PDE1C: variants seen among roughly 807,000 people sequenced by gnomAD.
The protein encoded by PDE1C is dual specificity calcium/calmodulin-dependent 3',5'-cyclic nucleotide phosphodiesterase 1C.
PDE1C carries 62 observed loss-of-function variants against 93.1 expected under a neutral mutation model. The ratio of observed to expected loss-of-function variants is 0.67; its 90% confidence interval spans 0.54 to 0.82. PDE1C has a LOEUF of 0.82. Ranked by LOEUF, PDE1C falls within the 40% of genes least tolerant of loss-of-function variation. The probability of loss-of-function intolerance (pLI) is 0.00; values close to 1 mark genes in which losing one functional copy is unlikely to be tolerated. For missense variants in PDE1C, 742 were observed against 884.6 expected (o/e 0.84, Z 2.04); for synonymous variants, 325 against 310.1 (o/e 1.05, Z -0.50).
At chr7:32,130,984 TC>T (rs1341968102) in intron 3 of PDE1C, among the ~76,000 whole-genome samples, 6 of 152,074 alleles carry the variant, frequency 3.9e-5, no homozygotes, top group Non-Finnish European at 8.8e-5. Context: ...TGTTTCATGT[TC>T]CCTTTAGGTC....
chr7:32,365,360 C>T (rs1268449825), intron 1 of PDE1C, among the ~76,000 whole-genome samples: 1 of 152,098 alleles, frequency 6.6e-6, no homozygotes, highest in African/African-American at 2.4e-5. Flanking sequence ...GCTGAGAAAC[C>T]ATGTGGCTGC....
intron 16 of PDE1C, among the ~76,000 whole-genome samples, chr7:31,779,722 G>C (rs1783260948): frequency 6.6e-6 from 1 of 152,130 alleles, no homozygotes; most frequent in African/African-American, 2.4e-5. Flanking sequence ...GTTAGGTTCT[G>C]AGTCAGCCTC....
At chr7:31,811,103 G>A (rs1787490393) in intron 15 of PDE1C, among the ~76,000 whole-genome samples, 1 of 152,068 alleles carries the variant, frequency 6.6e-6, no homozygotes. Context: ...GGAACCCAGT[G>A]GAAGAGAATT....
intron 1 of PDE1C, among the ~76,000 whole-genome samples, chr7:32,254,120 A>G (rs1221906461): frequency 6.6e-6 from 1 of 152,196 alleles, no homozygotes; most frequent in Admixed American, 6.5e-5. Flanking sequence ...GAGGATCTGG[A>G]CTGGGCTAGA....
chr7:31,686,402 G>A, the PDE1C span, among the ~76,000 whole-genome samples: 16 of 152,154 alleles, frequency 1.1e-4, no homozygotes, highest in Admixed American at 7.2e-4. Flanking sequence ...GAGTGCCTAC[G>A]TATTCCTAAT....
At position 31,885,915 on chromosome 7, in the gene PDE1C, C is replaced by T. The variant is rs572020692; in HGVS notation, c.129-5055G>A. On this transcript the variant is annotated intron_variant, in intron 2 of 17. Coordinates refer to ENST00000396191, the MANE Select transcript of PDE1C (RefSeq NM_001191057.4). ...ACCCTACTAGAATTTCATTCTTTTG[C>T]ACAAATAAAAATGAACTATAAAAAG... is the stretch of plus-strand genomic sequence containing the variant. 2.0e-5 allele frequency among the ~76,000 whole-genome samples: 3 copies of T among 152,252 alleles called. No homozygotes were observed. The South Asian group carries it at 6.2e-4, about 32-fold the overall frequency.
At chr7:31,951,269 T>C (rs2129014822) in intron 2 of PDE1C, among the ~76,000 whole-genome samples, 1 of 152,342 alleles carries the variant, frequency 6.6e-6, no homozygotes, top group South Asian at 2.1e-4. Context: ...CAGTCTCTAA[T>C]ACACGGTAAC....
At chr7:32,155,726 G>GC (rs1441698588) in intron 3 of PDE1C, among the ~76,000 whole-genome samples, 1 of 152,188 alleles carries the variant, frequency 6.6e-6, no homozygotes, top group Non-Finnish European at 1.5e-5. Context: ...CTCACAGGTA[G>GC]CCCCTGAGGG....
At chr7:32,096,885 A>T (rs968066627) in intron 3 of PDE1C, among the ~76,000 whole-genome samples, 1 of 149,876 alleles carries the variant, frequency 6.7e-6, no homozygotes, top group African/African-American at 2.5e-5. Flanking sequence ...ACAGTCAGCC[A>T]TAAAGAGATT....
At chr7:32,033,306 A>C (rs2128640702) in intron 2 of PDE1C, among the ~76,000 whole-genome samples, 1 of 152,230 alleles carries the variant, frequency 6.6e-6, no homozygotes, top group Admixed American at 6.5e-5. Flanking sequence ...TTACAGCTTA[A>C]TCTTCCTCAC....
At chr7:31,702,622 T>A in the PDE1C span, among the ~76,000 whole-genome samples, 1 of 152,234 alleles carries the variant, frequency 6.6e-6, no homozygotes, top group Non-Finnish European at 1.5e-5. Flanking sequence ...TCATCTCTTT[T>A]AGTATTGTCT....
intron 2 of PDE1C, among the ~76,000 whole-genome samples, chr7:32,001,649 A>G (rs1283840773): frequency 6.6e-6 from 1 of 152,184 alleles, no homozygotes; most frequent in African/African-American, 2.4e-5. Flanking sequence ...ATGCATCCTT[A>G]TCTCCATTTT....
At chr7:31,912,476 A>G (rs1801365303) in intron 2 of PDE1C, among the ~76,000 whole-genome samples, 1 of 152,082 alleles carries the variant, frequency 6.6e-6, no homozygotes, top group Non-Finnish European at 1.5e-5. Context: ...CCTTGAGCCC[A>G]GGTGTTTGAG....
At chr7:31,908,624 T>C (rs746542327) in intron 2 of PDE1C, among the ~76,000 whole-genome samples, 4 of 152,186 alleles carry the variant, frequency 2.6e-5, no homozygotes, top group Non-Finnish European at 5.9e-5. Context: ...AACACAGATA[T>C]GACGTAGTTA....
At chr7:31,709,471 G>C in the PDE1C span, among the ~76,000 whole-genome samples, 63 of 152,178 alleles carry the variant, frequency 4.1e-4, 1 homozygote, top group Admixed American at 4.1e-3. Context: ...AGTTTGCACG[G>C]TGTTTTTTCT....
the PDE1C span, chr7:31,652,669 AG>A: frequency 4.3e-6 from 7 of 1,613,740 alleles, no homozygotes; most frequent in East Asian, 6.7e-5. Flanking sequence ...GATGGCCAGG[AG>A]GCTCCCTGTT....
intron 6 of PDE1C, among the ~76,000 whole-genome samples, chr7:31,872,519 C>G (rs955893869): frequency 1.2e-4 from 18 of 151,962 alleles, no homozygotes; most frequent in Admixed American, 6.6e-4. Flanking sequence ...AATATTTGTA[C>G]CAATTAAAAA....
chr7:31,747,998 A>C (rs930475286), downstream of PDE1C, among the ~76,000 whole-genome samples: 1 of 142,080 alleles, frequency 7.0e-6, no homozygotes, highest in South Asian at 2.3e-4. Flanking sequence ...GCCTTTCGTC[A>C]GTCTTACAAA....
chr7:31,626,467 TTC>T, the PDE1C span, among the ~76,000 whole-genome samples: 1 of 152,220 alleles, frequency 6.6e-6, no homozygotes. Flanking sequence ...CCCACTATAT[TTC>T]TGTTTGCATT....
Sources: gnomAD v4.1 joint callset for allele counts (sites outside exome capture counted in the v4.1 genomes callset) on GRCh38, gnomAD v4.1.1 for gene constraint, MANE v1.5 for transcripts, NCBI Gene and HGNC (gene_info 2026-07-23, HGNC 2026-07-21) for gene names.